Variants in KIF4A observed in about 807,000 individuals in gnomAD.
The protein encoded by KIF4A is chromosome-associated kinesin KIF4A.
In KIF4A, 7 loss-of-function variants were observed where a neutral mutation model predicts 105.9. The ratio of observed to expected loss-of-function variants is 0.07; its 90% confidence interval spans 0.04 to 0.12. The LOEUF is 0.12. Among genes scored for constraint, KIF4A ranks in the 10% least tolerant of loss-of-function variants. The pLI is 1.00. For missense variants in KIF4A, 558 were observed against 929.2 expected (o/e 0.60, Z 5.19); for synonymous variants, 281 against 331.3 (o/e 0.85, Z 1.65).
In KIF4A at chrX:70,365,386, A is replaced by G. The variant is rs752301973; in HGVS notation, c.1675-8765A>G. ...ATGATATTGGCTGTGGGTTTGTCAT[A>G]GATAGTTCTTATTATTTTGAGATAC... On this transcript the variant is annotated intron_variant, in intron 15 of 30. Coordinates refer to ENST00000374403, the MANE Select transcript of KIF4A (RefSeq NM_012310.5). Among the ~76,000 whole-genome samples, 434 of 111,666 alleles carry G rather than the reference A, an allele frequency of 3.9e-3. 2 individuals are homozygous for G. The highest frequency in any genetic ancestry group is 0.013 in the African/African-American group (406 of 30,720).
chrX:70,349,214 G>A (rs781029844), intron 13 of KIF4A, among the ~76,000 whole-genome samples: 124 of 99,522 alleles, frequency 1.2e-3, no homozygotes, highest in Middle Eastern at 5.9e-3. Context: ...GGGCAGAGGC[G>A]CTCCTCACTT....
At position 70,341,950 on chromosome X, in the gene KIF4A, A is replaced by G. The variant is rs781641894; in HGVS notation, c.1266+19A>G. 21 of 1,196,626 alleles carry G rather than the reference A, an allele frequency of 1.8e-5. No homozygotes were observed. Among genetic ancestry groups the G allele is most frequent in the Non-Finnish European group, 2.4e-5 (21 of 888,187 alleles). On this transcript the variant is annotated intron_variant, in intron 11 of 30. Coordinates refer to ENST00000374403, the MANE Select transcript of KIF4A (RefSeq NM_012310.5). ...CATTTTGGTAAGCCCCCAAGAATAAACTACTAGCAATCTGAACATTTACTA... is the reference window on the plus strand; with the variant it reads ...CATTTTGGTAAGCCCCCAAGAATAAGCTACTAGCAATCTGAACATTTACTA...
At chrX:70,302,604 T>C (rs2085808658) in intron 7 of KIF4A, among the ~76,000 whole-genome samples, 1 of 112,266 alleles carries the variant, frequency 8.9e-6, no homozygotes, top group Admixed American at 9.4e-5. Context: ...ATCTGGCCTT[T>C]GGTTTGATTT....
chrX:70,329,835 A>T (rs759029262), intron 8 of KIF4A, among the ~76,000 whole-genome samples: 2 of 111,502 alleles, frequency 1.8e-5, no homozygotes, highest in Non-Finnish European at 3.8e-5. Context: ...GTTAAAATCC[A>T]CCTAGAGGGG....
chrX:70,349,918 C>T (rs1184657435), intron 13 of KIF4A, among the ~76,000 whole-genome samples: 11 of 69,583 alleles, frequency 1.6e-4, no homozygotes, highest in South Asian at 8.6e-4. Flanking sequence ...CGCTCCTCAC[C>T]TCCCAGACGG....
intron 29 of KIF4A, 115 bp from the exon 30 acceptor site, chrX:70,419,546 C>A: frequency 1.1e-6 from 1 of 918,099 alleles, no homozygotes; most frequent in Non-Finnish European, 1.6e-6. Context: ...CTAAGACTTG[C>A]TTCAGCTGAC....
chrX:70,405,979 C>G (rs888949255), intron 26 of KIF4A, 74 bp downstream of exon 26: 1 of 822,664 alleles, frequency 1.2e-6, no homozygotes, highest in Non-Finnish European at 1.8e-6. Flanking sequence ...TTGGGACCAA[C>G]CCCCATTGTG....
At chrX:70,317,944 G>A (rs1282615017) in intron 7 of KIF4A, among the ~76,000 whole-genome samples, 1 of 105,795 alleles carries the variant, frequency 9.5e-6, no homozygotes, top group Non-Finnish European at 1.9e-5. Flanking sequence ...GTGGCGTGAT[G>A]TTGGGTCACT....
chrX:70,314,999 G>C (rs2085864059), intron 7 of KIF4A, among the ~76,000 whole-genome samples: 1 of 111,648 alleles, frequency 9.0e-6, no homozygotes, highest in Admixed American at 9.5e-5. Context: ...CATTCTAAAT[G>C]TGGTGTTTAT....
chrX:70,292,408 G>T (rs1252634601), intron 3 of KIF4A, among the ~76,000 whole-genome samples: 1 of 112,266 alleles, frequency 8.9e-6, no homozygotes, highest in African/African-American at 3.2e-5. Context: ...TTACAGGCCA[G>T]TTATTTTGTA....
At chrX:70,383,612 A>C (rs912531949) in intron 18 of KIF4A, among the ~76,000 whole-genome samples, 2 of 112,411 alleles carry the variant, frequency 1.8e-5, no homozygotes, top group South Asian at 3.7e-4. Context: ...TAGTCATAAT[A>C]GCCAAAAAGT....
chrX:70,295,916 C>CA lies in KIF4A; in HGVS notation c.236-1067dup, dbSNP rs779277751. ...TGGGCGGCAGAGCGAGACTCCATCT[C>CA]AAAAAAAAAAAAAAATTTACCATCC... On this transcript the variant is annotated intron_variant, in intron 3 of 30. Coordinates refer to ENST00000374403, the MANE Select transcript of KIF4A (RefSeq NM_012310.5). Among the ~76,000 whole-genome samples the CA allele has an allele frequency of 1.4e-3, 83 of 61,291 alleles. 1 individual carries two copies. Among genetic ancestry groups the CA allele is most frequent in the Admixed American group, 3.8e-3 (18 of 4,680 alleles). The allele number at this position is 61,291 out of a possible 115,157, so 53.2% of individuals were successfully genotyped here.
At chrX:70,419,847 A>T in intron 30 of KIF4A, 64 bp downstream of exon 30, 1 of 1,179,537 alleles carries the variant, frequency 8.5e-7, no homozygotes, top group South Asian at 1.8e-5. Flanking sequence ...ATTATCTATG[A>T]GAGACCAGTA....
In KIF4A at chrX:70,402,708, C is replaced by G. The variant is rs768197443; in HGVS notation, c.2619+13C>G. 1.7e-6 allele frequency: 2 copies of G among 1,204,553 alleles called. No individual in the cohort carries two copies. Among genetic ancestry groups the G allele is most frequent in the Non-Finnish European group, 2.2e-6 (2 of 891,387 alleles). On this transcript the variant is annotated intron_variant, in intron 23 of 30. Transcript: ENST00000374403. ...TTTGATTGGAGAGGTAAACATCACT[C>G]TAACCAGCAGTTAGGAGGCTGGCTG...
chrX:70,358,057 T>C (rs1017666456), intron 15 of KIF4A, among the ~76,000 whole-genome samples: 1 of 110,992 alleles, frequency 9.0e-6, no homozygotes, highest in Middle Eastern at 4.6e-3. Context: ...ACTACAGGCA[T>C]GTGCCACCAT....
At chrX:70,333,521 A>T in intron 9 of KIF4A, 107 bp from the exon 10 acceptor site, 1 of 547,306 alleles carries the variant, frequency 1.8e-6, no homozygotes, top group Non-Finnish European at 3.2e-6. Flanking sequence ...TAGATTTCAT[A>T]GACATTTAGT....
At chrX:70,354,459 G>C (rs925600714) in intron 15 of KIF4A, among the ~76,000 whole-genome samples, 1 of 112,312 alleles carries the variant, frequency 8.9e-6, no homozygotes, top group Non-Finnish European at 1.9e-5. Flanking sequence ...TTATATTGAG[G>C]AACAGCTCTA....
chrX:70,290,225 G>A, intron 1 of KIF4A, 75 bp downstream of exon 1: 1 of 362,400 alleles, frequency 2.8e-6, no homozygotes, highest in Non-Finnish European at 4.7e-6. Context: ...CTTTGTCGCC[G>A]TCCCCGTTGG....
At chrX:70,414,761 T>C (rs889908494) in intron 28 of KIF4A, among the ~76,000 whole-genome samples, 1 of 111,842 alleles carries the variant, frequency 8.9e-6, no homozygotes, top group Non-Finnish European at 1.9e-5. Flanking sequence ...TTAGAAGTTA[T>C]ATAGAAACTA....
Sources: allele counts gnomAD v4.1 joint callset (sites outside exome capture counted in the v4.1 genomes callset), GRCh38; gene constraint gnomAD v4.1.1; transcripts MANE v1.5; gene names NCBI Gene and HGNC (gene_info 2026-07-23, HGNC 2026-07-21).